Variants in SLC44A5 observed in about 807,000 individuals in gnomAD.
SLC44A5 encodes the protein choline transporter-like protein 5.
Under a neutral mutation model 101.8 loss-of-function variants are expected in SLC44A5, and 57 were observed. The observed-to-expected ratio is 0.56, with a 90% confidence interval of 0.45 to 0.70. The LOEUF is 0.70. SLC44A5 is among the 30% of genes least tolerant of loss of function. The probability of loss-of-function intolerance (pLI) is 0.00; values close to 1 mark genes in which losing one functional copy is unlikely to be tolerated. For missense variants in SLC44A5, 737 were observed against 853.1 expected, an observed-to-expected ratio of 0.86 and a Z score of 1.70; for synonymous variants, 281 against 290.9, an observed-to-expected ratio of 0.97 and a Z score of 0.35.
At chr1:75,516,477 A>G (rs2101884409) in intron 2 of SLC44A5, among the ~76,000 whole-genome samples, 1 of 152,324 alleles carries the variant, frequency 6.6e-6, no homozygotes, top group South Asian at 2.1e-4. Context: ...AGATCGCACC[A>G]CTGCACTCCA....
chr1:75,506,501 G>C (rs138876719), intron 2 of SLC44A5, among the ~76,000 whole-genome samples: 1,951 of 152,082 alleles, frequency 0.013, 31 homozygotes, highest in Middle Eastern at 0.054. Context: ...ATTTCCATTT[G>C]TGTCATCTGT....
At chr1:75,614,841 G>C (rs1284771312), upstream of SLC44A5, among the ~76,000 whole-genome samples, 1 of 152,108 alleles carries the variant, frequency 6.6e-6, no homozygotes, top group African/African-American at 2.4e-5. Context: ...CACCGCGCAT[G>C]GTGTCGAGCC....
At chr1:75,273,759 T>C (rs748571169) in intron 6 of SLC44A5, among the ~76,000 whole-genome samples, 6 of 152,206 alleles carry the variant, frequency 3.9e-5, no homozygotes, top group Non-Finnish European at 8.8e-5. Flanking sequence ...CCTATTGATG[T>C]CCTGTTGGAT....
At chr1:75,476,861 G>C (rs997918193) in intron 2 of SLC44A5, among the ~76,000 whole-genome samples, 8 of 152,236 alleles carry the variant, frequency 5.3e-5, no homozygotes, top group Non-Finnish European at 1.2e-4. Flanking sequence ...AACCTCTGCA[G>C]ACTTAAATGT....
chr1:75,591,158 T>C (rs1032269911), intron 1 of SLC44A5, among the ~76,000 whole-genome samples: 1 of 152,144 alleles, frequency 6.6e-6, no homozygotes, highest in African/African-American at 2.4e-5. Flanking sequence ...CTGAATCTTA[T>C]CCAAGACTAA....
At chr1:75,385,868 A>G (rs1290215422) in intron 3 of SLC44A5, among the ~76,000 whole-genome samples, 9 of 152,158 alleles carry the variant, frequency 5.9e-5, no homozygotes, top group African/African-American at 1.4e-4. Flanking sequence ...CCATGATCAA[A>G]TCGGCTTCAT....
At chr1:75,654,459 C>A in the SLC44A5 span, among the ~76,000 whole-genome samples, 830 of 152,218 alleles carry the variant, frequency 5.5e-3, 3 homozygotes, top group Non-Finnish European at 8.3e-3. Flanking sequence ...TCAAGCACAA[C>A]CCTGGATGAT....
rs980938693 is a variant in SLC44A5, at chr1:75,242,879, C to T, written c.471+7G>A. On this transcript the variant is annotated splice_region_variant and intron_variant, in intron 8 of 23. Coordinates refer to ENST00000370859, the MANE Select transcript of SLC44A5 (RefSeq NM_001130058.2). ...TGTTCTCTTGCTTTAAGCTTAAACA[C>T]ACATACCTTCACAGGCTTAGCAGTG... is the stretch of plus-strand genomic sequence containing the variant. 3.2e-6 allele frequency: 5 copies of T among 1,583,658 alleles called. No individual in the cohort carries two copies. The highest frequency in any genetic ancestry group is 1.4e-5 in the African/African-American group (1 of 73,140).
intron 12 of SLC44A5, among the ~76,000 whole-genome samples, chr1:75,232,592 A>G (rs2100562533): frequency 6.6e-6 from 1 of 152,238 alleles, no homozygotes; most frequent in African/African-American, 2.4e-5. Flanking sequence ...GCAGATAGGG[A>G]ACACCTGAGA....
intron 4 of SLC44A5, among the ~76,000 whole-genome samples, chr1:75,319,532 A>T (rs892295162): frequency 6.6e-5 from 10 of 152,206 alleles, no homozygotes; most frequent in African/African-American, 2.2e-4. Context: ...AGTTGTTCTA[A>T]AGACAGTGAA....
chr1:75,236,998 A>T lies in SLC44A5; in HGVS notation c.729T>A (p.Tyr243Ter). The change falls in exon 11 of 24, where the codon TAT (tyrosine) becomes TAA (stop). Residue 243 changes from tyrosine to a stop codon, truncating the protein, a stop_gained. Coordinates refer to ENST00000370859, the MANE Select transcript of SLC44A5 (RefSeq NM_001130058.2). LOFTEE classifies it high-confidence loss of function. Reference sequence around the variant, plus strand: ...GTGTTTTCACTTACATGAGAATCCAATACCAAGTTCTTGCATAGTCTTCAA... The same window carrying T: ...GTGTTTTCACTTACATGAGAATCCATTACCAAGTTCTTGCATAGTCTTCAA... The part of the protein sequence containing the change: ...KVFEDYARTW[Y>*]WILIGLTIAM... The T allele has an allele frequency of 6.3e-7, 1 of 1,591,168 alleles. No individual in the cohort carries two copies.
the SLC44A5 span, among the ~76,000 whole-genome samples, chr1:75,678,704 C>T: frequency 5.4e-3 from 819 of 151,696 alleles, 8 homozygotes; most frequent in African/African-American, 0.019. Context: ...AATCAGAGCG[C>T]CTCTCCTCCT....
chr1:75,306,283 A>G (rs1654891964), intron 4 of SLC44A5, among the ~76,000 whole-genome samples: 1 of 152,166 alleles, frequency 6.6e-6, no homozygotes, highest in African/African-American at 2.4e-5. Flanking sequence ...CTAGACCATA[A>G]AGTCCTCTAT....
intron 1 of SLC44A5, chr1:75,582,077 C>A: frequency 1.4e-6 from 1 of 706,902 alleles, no homozygotes; most frequent in South Asian, 1.5e-5. Context: ...CTTCAGGAGC[C>A]ACGGGTTACA....
the SLC44A5 span, among the ~76,000 whole-genome samples, chr1:75,673,862 G>A: frequency 6.6e-6 from 1 of 152,196 alleles, no homozygotes; most frequent in East Asian, 1.9e-4. Context: ...ACTGAGCTTG[G>A]GGTCTCATAA....
chr1:75,352,339 C>G (rs1295946040), intron 3 of SLC44A5, among the ~76,000 whole-genome samples: 1 of 152,048 alleles, frequency 6.6e-6, no homozygotes, highest in Non-Finnish European at 1.5e-5. Flanking sequence ...AGCTATTTCT[C>G]CTGACATTCT....
the SLC44A5 span, among the ~76,000 whole-genome samples, chr1:75,637,798 G>T: frequency 6.6e-6 from 1 of 151,840 alleles, no homozygotes; most frequent in Non-Finnish European, 1.5e-5. Context: ...ATTTTATTGG[G>T]AAAATTTATA....
At chr1:75,633,198 T>C in the SLC44A5 span, among the ~76,000 whole-genome samples, 2 of 152,186 alleles carry the variant, frequency 1.3e-5, no homozygotes, top group African/African-American at 4.8e-5. Context: ...GGCTTGGCGA[T>C]GCGGGCTCTT....
At chr1:75,232,691 A>T (rs1323454123) in intron 12 of SLC44A5, among the ~76,000 whole-genome samples, 1 of 152,314 alleles carries the variant, frequency 6.6e-6, no homozygotes, top group East Asian at 1.9e-4. Context: ...GCTGTGTTCC[A>T]GGTACTGCTC....
Sources: allele counts gnomAD v4.1 joint callset (sites outside exome capture counted in the v4.1 genomes callset), GRCh38; gene constraint gnomAD v4.1.1; transcripts MANE v1.5; gene names NCBI Gene and HGNC (gene_info 2026-07-23, HGNC 2026-07-21).